Variants in UNC13C observed in about 807,000 individuals in gnomAD.
UNC13C encodes the protein unc-13 homolog C, also known as protein unc-13 homolog C.
A neutral mutation model predicts 245.4 loss-of-function variants in UNC13C; 174 were observed. That is an observed-to-expected ratio of 0.71 (90% CI 0.63 to 0.80). UNC13C has a LOEUF of 0.80. Ranked by LOEUF, UNC13C falls within the 30% of genes least tolerant of loss-of-function variation. The probability of loss-of-function intolerance (pLI) is 0.00; values close to 1 mark genes in which losing one functional copy is unlikely to be tolerated. For missense variants in UNC13C, 2,829 were observed against 2,602.9 expected, an observed-to-expected ratio of 1.09 and a Z score of -1.89; for synonymous variants, 992 against 895.1, an observed-to-expected ratio of 1.11 and a Z score of -1.93.
At chr15:54,530,564 T>C (rs1466856791) in intron 25 of UNC13C, among the ~76,000 whole-genome samples, 1 of 152,054 alleles carries the variant, frequency 6.6e-6, no homozygotes, top group African/African-American at 2.4e-5. Flanking sequence ...AAGAATGCCA[T>C]TGAGAAAAAA....
chr15:54,612,272 G>C (rs561333851), intron 30 of UNC13C, among the ~76,000 whole-genome samples: 2 of 96,668 alleles, frequency 2.1e-5, no homozygotes, highest in Non-Finnish European at 4.0e-5. Context: ...ATGCTAATGT[G>C]ATAAGCAATG....
the UNC13C span, among the ~76,000 whole-genome samples, chr15:53,907,444 T>C: frequency 1.0e-3 from 159 of 152,298 alleles, no homozygotes; most frequent in African/African-American, 3.7e-3. Context: ...AGCAGACTAA[T>C]AGAATAGATG....
the UNC13C span, among the ~76,000 whole-genome samples, chr15:53,959,032 G>A: frequency 1.3e-5 from 2 of 152,034 alleles, no homozygotes; most frequent in East Asian, 3.9e-4. Flanking sequence ...CCACATATAG[G>A]CGAGAATGTG....
intron 4 of UNC13C, among the ~76,000 whole-genome samples, chr15:54,175,900 G>T (rs1397349098): frequency 1.3e-5 from 2 of 152,114 alleles, no homozygotes; most frequent in Non-Finnish European, 2.9e-5. Context: ...ACCACATACT[G>T]GTCTATACTA....
Position 54,279,636 on chromosome 15 carries a change from G to A in UNC13C, c.3818+14140G>A, listed in dbSNP as rs759001354. ...AGGTGGGGGAATAGCTAAGAGAAAG[G>A]ATGCCAGGTGTCTACAGAAATGAAT... On this transcript the variant is annotated intron_variant, in intron 10 of 32. Transcript: ENST00000260323. Among the ~76,000 whole-genome samples the A allele has an allele frequency of 2.0e-4, 31 of 152,304 alleles. 1 individual carries two copies. Among genetic ancestry groups the A allele is most frequent in the Admixed American group, 1.2e-3 (19 of 15,294 alleles).
intron 2 of UNC13C, among the ~76,000 whole-genome samples, chr15:54,047,454 C>G (rs1330532993): frequency 6.6e-6 from 1 of 152,000 alleles, no homozygotes; most frequent in Admixed American, 6.6e-5. Context: ...ACACTGTTCT[C>G]CTTTCTATAT....
chr15:53,965,130 T>G, the UNC13C span, among the ~76,000 whole-genome samples: 2 of 152,170 alleles, frequency 1.3e-5, no homozygotes, highest in Non-Finnish European at 2.9e-5. Flanking sequence ...TCCTTCACAA[T>G]GTATTAGGCA....
rs146889978 is a variant in UNC13C at position 54,508,627 on chromosome 15, C to T, written c.5379+1433C>T. Among the ~76,000 whole-genome samples the T allele has an allele frequency of 7.9e-5, 12 of 152,232 alleles. No individual in the cohort carries two copies. The East Asian group carries it at 2.1e-3, about 27-fold the overall frequency. ...CTAATATCTTGACCAGCCTTATACA[C>T]TGTTGCTTAAATGCCAAGTATCATT... On this transcript the variant is annotated intron_variant, in intron 23 of 32. Transcript: ENST00000260323.
intron 19 of UNC13C, among the ~76,000 whole-genome samples, chr15:54,453,453 C>G (rs1337789635): frequency 6.6e-6 from 1 of 152,226 alleles, no homozygotes. Flanking sequence ...TGAAATCCCT[C>G]TTCAGATGGT....
chr15:53,927,346 A>G, the UNC13C span, among the ~76,000 whole-genome samples: 129 of 152,310 alleles, frequency 8.5e-4, 1 homozygote, highest in Non-Finnish European at 1.4e-3. Flanking sequence ...GGCTGTAGGC[A>G]AGGAGAACAG....
intron 18 of UNC13C, among the ~76,000 whole-genome samples, chr15:54,412,043 T>C (rs1341337804): frequency 6.6e-6 from 1 of 152,104 alleles, no homozygotes; most frequent in Admixed American, 6.6e-5. Flanking sequence ...CTTTTGATGC[T>C]GCATTAGTCC....
At chr15:53,883,827 T>C in the UNC13C span, among the ~76,000 whole-genome samples, 1 of 152,202 alleles carries the variant, frequency 6.6e-6, no homozygotes, top group East Asian at 1.9e-4. Flanking sequence ...TCAAAATAGG[T>C]TTTGTTTTGA....
chr15:53,899,290 C>A, the UNC13C span, among the ~76,000 whole-genome samples: 2 of 152,206 alleles, frequency 1.3e-5, no homozygotes, highest in Non-Finnish European at 2.9e-5. Context: ...ATAACAAGTG[C>A]TCTGCAAGAA....
At chr15:54,358,812 T>C (rs1467411198) in intron 17 of UNC13C, among the ~76,000 whole-genome samples, 1 of 152,064 alleles carries the variant, frequency 6.6e-6, no homozygotes, top group Non-Finnish European at 1.5e-5. Flanking sequence ...TATCTCTTTC[T>C]CTTGCCCAAT....
At chr15:54,127,475 T>C (rs1259999178) in intron 2 of UNC13C, among the ~76,000 whole-genome samples, 1 of 152,010 alleles carries the variant, frequency 6.6e-6, no homozygotes, top group East Asian at 1.9e-4. Context: ...AAACACCGCA[T>C]GTTCTCACTC....
In UNC13C at chr15:54,255,807, C is replaced by G. The variant is rs1401103008; in HGVS notation, c.3448+5363C>G. ...TCCCCTTCAGGCACTTCCCTGACCC[C>G]CTTCCATATCGCTACCACCTCTCTC... On this transcript the variant is annotated intron_variant, in intron 8 of 32. Coordinates refer to ENST00000260323, the MANE Select transcript of UNC13C (RefSeq NM_001080534.3). Among the ~76,000 whole-genome samples, 4 of 152,292 alleles carry G rather than the reference C, an allele frequency of 2.6e-5. No homozygotes were observed. The South Asian group carries it at 8.3e-4, about 32-fold the overall frequency.
At chr15:54,511,969 T>C (rs971035986) in intron 24 of UNC13C, 139 bp downstream of exon 24, 1 of 686,012 alleles carries the variant, frequency 1.5e-6, no homozygotes, top group Non-Finnish European at 2.6e-6. Context: ...TCAAATGTCA[T>C]TAACAACTAA....
At chr15:54,147,808 G>GTGTGTGTGTA (rs2032343533) in intron 4 of UNC13C, among the ~76,000 whole-genome samples, 1 of 151,856 alleles carries the variant, frequency 6.6e-6, no homozygotes, top group African/African-American at 2.4e-5. Flanking sequence ...GTGTGTGTGT[G>GTGTGTGTGTA]TGTATGTGTG....
chr15:53,953,824 C>T, the UNC13C span, among the ~76,000 whole-genome samples: 3 of 152,216 alleles, frequency 2.0e-5, no homozygotes, highest in East Asian at 3.9e-4. Context: ...TATAAGTTTC[C>T]ACATCACAAA....
Sources: gnomAD v4.1 joint callset for allele counts (sites outside exome capture counted in the v4.1 genomes callset) on GRCh38, gnomAD v4.1.1 for gene constraint, MANE v1.5 for transcripts, NCBI Gene and HGNC (gene_info 2026-07-23, HGNC 2026-07-21) for gene names.